LMLN: variants seen among roughly 807,000 people sequenced by gnomAD.
The protein encoded by LMLN is leishmanolysin like peptidase.
In LMLN, 70 loss-of-function variants were observed where a neutral mutation model predicts 92.3. The ratio of observed to expected loss-of-function variants is 0.76; its 90% CI spans 0.63 to 0.92. The LOEUF (loss-of-function observed/expected upper bound fraction) is 0.92, where lower values mean the gene tolerates loss of function less well. Ranked by LOEUF, LMLN falls within the 40% of genes least tolerant of loss-of-function variation. The pLI is 0.00. For synonymous variants in LMLN, 308 were observed against 296.2 expected (o/e 1.04, Z -0.41); for missense variants, 691 against 814.6 (o/e 0.85, Z 1.85).
rs1722716169 is a variant in LMLN at position 198,019,160 on chromosome 3, G to A, written c.1233-93G>A. 7.9e-7 allele frequency: 1 copy of A among 1,262,568 alleles called. No homozygotes were observed. Among genetic ancestry groups the A allele is most frequent in the Admixed American group, 2.5e-5 (1 of 40,424 alleles). 78.2% of individuals were successfully genotyped at this position (1,262,568 alleles called of 1,614,324 possible). On this transcript the variant is annotated intron_variant, in intron 11 of 15. Coordinates refer to ENST00000330198, the Ensembl canonical transcript of LMLN. The surrounding 1 kb of genome is among the most constrained non-coding windows in gnomAD (Gnocchi z 5.5). ...TTAATTATGAAGGTTTGTATTTTTA[G>A]GCCAGGATCTGGAATTCCATTTGTT...
intron 1 of LMLN, among the ~76,000 whole-genome samples, chr3:197,971,839 T>G (rs745760426): frequency 3.9e-5 from 6 of 152,142 alleles, no homozygotes; most frequent in Non-Finnish European, 8.8e-5. Context: ...TTTTAGCTGT[T>G]ATTTCTTTCA....
At chr3:198,002,823 G>T (rs1722210895) in intron 11 of LMLN, among the ~76,000 whole-genome samples, 192 bp from the exon 12 acceptor site, 1 of 152,188 alleles carries the variant, frequency 6.6e-6, no homozygotes, top group South Asian at 2.1e-4. Context: ...CATAAGCCTG[G>T]TTATGGAATC....
chr3:198,039,374 G>C (rs1316130406), exon 16 of LMLN: 2 of 152,180 alleles, frequency 1.3e-5, no homozygotes, highest in Admixed American at 1.3e-4. Context: ...TGGAGATCTT[G>C]TCCTCAAAAG....
chr3:198,030,351 G>A (rs1216766381), intron 14 of LMLN, among the ~76,000 whole-genome samples: 1 of 152,134 alleles, frequency 6.6e-6, no homozygotes, highest in Non-Finnish European at 1.5e-5. Context: ...TACATTACCA[G>A]GACTATGCAG....
intron 11 of LMLN, among the ~76,000 whole-genome samples, chr3:198,011,192 A>C (rs112857707): frequency 0.064 from 9,752 of 152,120 alleles, 193 homozygotes; most frequent in African/African-American, 0.1. Flanking sequence ...TTACATATGT[A>C]TACATGTGCC....
intron 1 of LMLN, among the ~76,000 whole-genome samples, chr3:197,962,260 C>T (rs1357596398): frequency 1.3e-5 from 2 of 152,062 alleles, no homozygotes; most frequent in Non-Finnish European, 2.9e-5. Context: ...CTGTATTTGG[C>T]ATCTGCTCAG....
intron 1 of LMLN, among the ~76,000 whole-genome samples, chr3:197,967,438 A>C (rs565102804): frequency 1.1e-4 from 17 of 152,294 alleles, no homozygotes; most frequent in East Asian, 5.8e-4. Flanking sequence ...TTAAAAGGGG[A>C]GGGGGTGTAC....
chr3:197,965,410 T>A (rs1179069071), intron 1 of LMLN, among the ~76,000 whole-genome samples: 3 of 152,068 alleles, frequency 2.0e-5, no homozygotes, highest in Admixed American at 6.6e-5. Context: ...AGTTTTTTTT[T>A]ATTTTATTGT....
intron 1 of LMLN, among the ~76,000 whole-genome samples, chr3:197,963,201 CTT>C (rs59827521): frequency 6.9e-6 from 1 of 144,066 alleles, no homozygotes. Context: ...TTTTCTCTCT[CTT>C]TTTTTTTTTT....
chr3:197,968,097 T>C (rs6762187), intron 1 of LMLN, among the ~76,000 whole-genome samples: 54,448 of 152,100 alleles, frequency 0.36, 14,634 homozygotes, highest in African/African-American at 0.76. Flanking sequence ...ATTATCACAG[T>C]GGTCCTGAGG....
At chr3:198,006,166 A>G (rs1369870984) in intron 11 of LMLN, among the ~76,000 whole-genome samples, 1 of 152,146 alleles carries the variant, frequency 6.6e-6, no homozygotes. Flanking sequence ...GAATGAATTC[A>G]TATTGTATGT....
At chr3:198,015,406 A>G (rs1722603538) in intron 11 of LMLN, among the ~76,000 whole-genome samples, 1 of 108,352 alleles carries the variant, frequency 9.2e-6, no homozygotes, top group Non-Finnish European at 1.9e-5. Context: ...GAGCCCCCTA[A>G]CTAGTCTGAC....
intron 8 of LMLN, among the ~76,000 whole-genome samples, chr3:197,988,983 T>C (rs1021354210): frequency 6.6e-6 from 1 of 152,174 alleles, no homozygotes; most frequent in Non-Finnish European, 1.5e-5. Flanking sequence ...GCACCTGGCC[T>C]ATGTAGTATA....
chr3:197,961,736 T>G (rs1720899610), intron 1 of LMLN, among the ~76,000 whole-genome samples: 2 of 152,188 alleles, frequency 1.3e-5, no homozygotes, highest in Non-Finnish European at 2.9e-5. Flanking sequence ...ATACCTCTGT[T>G]CAATGCTACA....
chr3:198,035,368 T>TTG (rs1723185727), intron 14 of LMLN, among the ~76,000 whole-genome samples: 1 of 137,262 alleles, frequency 7.3e-6, no homozygotes, highest in African/African-American at 2.7e-5. Context: ...TTGGTTTTTT[T>TTG]TTTTTTTTTT....
At chr3:198,038,962 TTCATCAGCAACCCAACCACC>T in exon 16 of LMLN, 1 of 309,308 alleles carries the variant, frequency 3.2e-6, no homozygotes, top group Non-Finnish European at 6.1e-6. Flanking sequence ...CCCAGCCACC[TTCATCAGCAACCCAACCACC>T]TCATCAGCAA....
At chr3:197,960,580 AC>A in intron 1 of LMLN, 140 bp downstream of exon 1, 1 of 742,334 alleles carries the variant, frequency 1.3e-6, no homozygotes, top group Non-Finnish European at 2.2e-6. Flanking sequence ...CAGGCCTGGG[AC>A]CCGCTCTCAG....
chr3:197,960,671 C>T (rs756549200), intron 1 of LMLN, among the ~76,000 whole-genome samples: 9 of 152,126 alleles, frequency 5.9e-5, no homozygotes, highest in Non-Finnish European at 1.0e-4. Flanking sequence ...TAGCAGTAGC[C>T]CTCGAGGAGT....
In LMLN at chr3:198,019,800, T is replaced by C. The variant is rs1346924291; in HGVS notation, c.1365+415T>C. On this transcript the variant is annotated intron_variant, in intron 12 of 15. Coordinates refer to ENST00000330198, the Ensembl canonical transcript of LMLN. This position sits in a 1 kb window ranked among gnomAD's most constrained non-coding sequence, Gnocchi z 5.5. ...ATTTGATTCATGGGATCTGAAAGAT[T>C]AAGGAAATGGTCCCACATATCTTGT... 6.6e-6 allele frequency among the ~76,000 whole-genome samples: 1 copy of C among 152,216 alleles called. No homozygotes were observed. Among genetic ancestry groups the C allele is most frequent in the African/African-American group, 2.4e-5 (1 of 41,458 alleles).
Sources: allele counts gnomAD v4.1 joint callset (sites outside exome capture counted in the v4.1 genomes callset), GRCh38; gene constraint gnomAD v4.1.1; non-coding constraint Gnocchi (gnomAD v3.1); transcripts MANE v1.5; gene names NCBI Gene and HGNC (gene_info 2026-07-23, HGNC 2026-07-21).